Variants in PTK2 observed in about 807,000 individuals in gnomAD.
The protein encoded by PTK2 is focal adhesion kinase 1.
A neutral mutation model predicts 150.1 loss-of-function variants in PTK2; 45 were observed. The ratio of observed to expected loss-of-function variants is 0.30; its 90% CI spans 0.24 to 0.38. PTK2 has a LOEUF of 0.38. Ranked by LOEUF, PTK2 falls within the 10% of genes least tolerant of loss-of-function variation. The pLI, the probability that PTK2 is intolerant of heterozygous loss-of-function variation, is 1.00. For missense variants in PTK2, 919 were observed against 1,307.3 expected (o/e 0.70, Z 4.58); for synonymous variants, 432 against 449.2 (o/e 0.96, Z 0.48).
chr8:140,969,490 T>C (rs1387420523), intron 1 of PTK2, among the ~76,000 whole-genome samples: 4 of 152,200 alleles, frequency 2.6e-5, no homozygotes, highest in African/African-American at 9.6e-5. Flanking sequence ...CTAAATCCAA[T>C]GGTCAATACT....
intron 1 of PTK2, among the ~76,000 whole-genome samples, chr8:140,949,164 T>C (rs141831797): frequency 6.6e-6 from 1 of 152,324 alleles, no homozygotes; most frequent in East Asian, 1.9e-4. Context: ...ATATTTCTTA[T>C]GATCTTCTTA....
chr8:140,758,807 C>T (rs1421118332), intron 16 of PTK2, among the ~76,000 whole-genome samples: 3 of 152,286 alleles, frequency 2.0e-5, no homozygotes, highest in Middle Eastern at 3.4e-3. Context: ...ATAATCCAGG[C>T]CTTCACATTT....
At chr8:140,746,107 G>A (rs1406927243) in intron 18 of PTK2, among the ~76,000 whole-genome samples, 10 of 151,992 alleles carry the variant, frequency 6.6e-5, no homozygotes, top group East Asian at 3.9e-4. Context: ...CGAGGCAGGC[G>A]GATCACTTGA....
intron 3 of PTK2, among the ~76,000 whole-genome samples, chr8:140,885,107 T>C (rs2100151795): frequency 6.6e-6 from 1 of 152,218 alleles, no homozygotes; most frequent in African/African-American, 2.4e-5. Flanking sequence ...GCCTGGTGTA[T>C]GGGCATGAAA....
intron 18 of PTK2, among the ~76,000 whole-genome samples, chr8:140,745,899 C>T (rs2100058399): frequency 6.6e-6 from 1 of 151,108 alleles, no homozygotes; most frequent in South Asian, 2.1e-4. Flanking sequence ...ACTCAGGAGG[C>T]TGAGGCAAGA....
chr8:140,708,150 A>T (rs1447006365), intron 23 of PTK2, among the ~76,000 whole-genome samples: 1 of 152,236 alleles, frequency 6.6e-6, no homozygotes, highest in East Asian at 1.9e-4. Context: ...AATTAAGTAC[A>T]GAATAAAAGG....
chr8:140,673,121 A>G (rs1385374158), intron 29 of PTK2, among the ~76,000 whole-genome samples: 1 of 149,152 alleles, frequency 6.7e-6, no homozygotes, highest in Non-Finnish European at 1.5e-5. Context: ...TTTTTTTTTA[A>G]CCTCGAGACG....
intron 1 of PTK2, among the ~76,000 whole-genome samples, chr8:140,970,193 T>C (rs912144323): frequency 6.6e-6 from 1 of 152,234 alleles, no homozygotes. Context: ...GAACAGCTGC[T>C]TCCTGGACCT....
At chr8:140,813,334 T>C (rs924692217) in intron 10 of PTK2, among the ~76,000 whole-genome samples, 1 of 151,594 alleles carries the variant, frequency 6.6e-6, no homozygotes, top group African/African-American at 2.4e-5. Context: ...TTGAAATGAA[T>C]GAGAACCAAG....
intron 27 of PTK2, among the ~76,000 whole-genome samples, chr8:140,678,317 G>A (rs1423396379): frequency 6.6e-6 from 1 of 152,138 alleles, no homozygotes; most frequent in African/African-American, 2.4e-5. Context: ...CAAAGTGTTG[G>A]GATTACAGGC....
At chr8:140,689,692 T>C (rs147765447) in intron 26 of PTK2, among the ~76,000 whole-genome samples, 1 of 152,318 alleles carries the variant, frequency 6.6e-6, no homozygotes, top group East Asian at 1.9e-4. Context: ...GAAAAAATGG[T>C]ATGTACAAAT....
chr8:140,689,851 T>G (rs780793550), intron 26 of PTK2, among the ~76,000 whole-genome samples: 6 of 152,240 alleles, frequency 3.9e-5, no homozygotes, highest in Non-Finnish European at 8.8e-5. Flanking sequence ...AGCTGGGAGC[T>G]GGTTCTGCTT....
In PTK2 at chr8:140,954,258, G is replaced by GC. The variant is rs1260698989; in HGVS notation, c.-121-28510dup. On this transcript the variant is annotated intron_variant, in intron 1 of 31. Coordinates refer to ENST00000522684, the Ensembl canonical transcript of PTK2. ...ACCCCACAAAGTGCTGTGATTACAG[G>GC]CATGAGCCACCGCACCCAGCCACTT... Among the ~76,000 whole-genome samples the GC allele has an allele frequency of 2.0e-5, 3 of 152,214 alleles. No homozygotes were observed. The East Asian group carries it at 5.8e-4, about 29-fold the overall frequency.
chr8:140,933,911 C>T (rs1569166899), intron 1 of PTK2, among the ~76,000 whole-genome samples: 1 of 150,734 alleles, frequency 6.6e-6, no homozygotes, highest in East Asian at 1.9e-4. Flanking sequence ...TCAAGTCTTA[C>T]AAGACAAAGA....
chr8:140,827,996 A>G (rs948961085), intron 8 of PTK2, among the ~76,000 whole-genome samples: 16 of 151,928 alleles, frequency 1.1e-4, no homozygotes, highest in African/African-American at 3.9e-4. Context: ...GTGAAACCCC[A>G]TCTCTACTAA....
intron 2 of PTK2, among the ~76,000 whole-genome samples, chr8:140,910,323 CT>C (rs199980727): frequency 6.6e-6 from 1 of 150,756 alleles, no homozygotes; most frequent in African/African-American, 2.4e-5. Flanking sequence ...TTTCCCTTGC[CT>C]TTTTTTTTAA....
intron 26 of PTK2, among the ~76,000 whole-genome samples, chr8:140,690,417 A>G (rs1290987651): frequency 6.6e-6 from 1 of 152,124 alleles, no homozygotes; most frequent in Non-Finnish European, 1.5e-5. Flanking sequence ...GCACGCCACC[A>G]CGCCCAGTTA....
intron 7 of PTK2, among the ~76,000 whole-genome samples, chr8:140,831,987 T>C (rs2100115695): frequency 1.3e-5 from 2 of 152,202 alleles, no homozygotes; most frequent in Admixed American, 1.3e-4. Flanking sequence ...GCAGTATTCT[T>C]GAGGATTTCT....
chr8:140,721,088 TA>T (rs1169204616), intron 22 of PTK2, among the ~76,000 whole-genome samples: 54 of 151,544 alleles, frequency 3.6e-4, no homozygotes, highest in African/African-American at 1.3e-3. Flanking sequence ...TTTTTTTTTT[TA>T]AAAGAGATGG....
Sources: allele counts gnomAD v4.1 joint callset (sites outside exome capture counted in the v4.1 genomes callset), GRCh38; gene constraint gnomAD v4.1.1; transcripts MANE v1.5; gene names NCBI Gene and HGNC (gene_info 2026-07-23, HGNC 2026-07-21).